The following ENOX1 variants were observed in gnomAD, a reference collection of about 807,000 sequenced individuals.
ENOX1 encodes ecto-NOX disulfide-thiol exchanger 1.
Under a neutral mutation model 82.5 loss-of-function variants are expected in ENOX1, and 42 were observed. That is an observed-to-expected ratio of 0.51 (90% confidence interval 0.40 to 0.66). The LOEUF is 0.66. Ranked by LOEUF, ENOX1 falls within the 30% of genes least tolerant of loss-of-function variation. The probability of loss-of-function intolerance (pLI) is 0.00; values close to 1 mark genes in which losing one functional copy is unlikely to be tolerated. For missense variants in ENOX1, 608 were observed against 811.6 expected (o/e 0.75, Z 3.05); for synonymous variants, 271 against 282.2 (o/e 0.96, Z 0.40).
At chr13:43,218,442 C>T (rs1407312273) in intron 16 of ENOX1, among the ~76,000 whole-genome samples, 1 of 152,134 alleles carries the variant, frequency 6.6e-6, no homozygotes, top group Non-Finnish European at 1.5e-5. Flanking sequence ...GCCTGGGCAA[C>T]ATAGAGAGAC....
chr13:43,457,345 A>G (rs2057281353), intron 3 of ENOX1, among the ~76,000 whole-genome samples: 3 of 152,172 alleles, frequency 2.0e-5, no homozygotes, highest in African/African-American at 7.2e-5. Context: ...TTTTTTAGGG[A>G]TTATCAGGCA....
At chr13:43,757,773 G>A (rs554254502) in intron 1 of ENOX1, among the ~76,000 whole-genome samples, 3 of 152,052 alleles carry the variant, frequency 2.0e-5, no homozygotes, top group South Asian at 4.2e-4. Context: ...CACTAAACAC[G>A]CAATTACCTA....
At chr13:43,538,852 G>T (rs1593704148) in intron 2 of ENOX1, among the ~76,000 whole-genome samples, 1 of 151,954 alleles carries the variant, frequency 6.6e-6, no homozygotes, top group African/African-American at 2.4e-5. Flanking sequence ...TGGAGACGGG[G>T]TCTCACTCTC....
At chr13:43,638,154 C>T (rs925588680) in intron 2 of ENOX1, among the ~76,000 whole-genome samples, 2 of 152,076 alleles carry the variant, frequency 1.3e-5, no homozygotes, top group Non-Finnish European at 2.9e-5. Context: ...TTCTGGATGG[C>T]CAAGAAATAA....
rs528752125 is a variant in ENOX1, at chr13:43,213,847, C to T, written c.*143G>A. On this transcript the variant is annotated 3_prime_UTR_variant, in exon 17 of 17. Transcript: ENST00000690772. ...AATTACATTTCCACTTACAAGAGAA[C>T]GCCACAGATATAACTAAAGGCAGGC... 21 of 780,846 alleles carry T rather than the reference C, an allele frequency of 2.7e-5. No homozygotes were observed. The highest frequency in any genetic ancestry group is 6.0e-4 in the Middle Eastern group (2 of 3,334). The allele number at this position is 780,846 out of a possible 1,614,324, so 48.4% of individuals were successfully genotyped here.
In ENOX1 at chr13:43,448,888, G is replaced by A. The variant is rs182415131; in HGVS notation, c.-75+35121C>T. Among the ~76,000 whole-genome samples the A allele has an allele frequency of 2.8e-3, 430 of 152,334 alleles. 3 individuals are homozygous for A. Among genetic ancestry groups the A allele is most frequent in the African/African-American group, 9.9e-3 (412 of 41,568 alleles). ...TTTAAAACGGGTAACATACCTTGGA[G>A]AGCAATTTCTACACTGGGGTCTGCA... On this transcript the variant is annotated intron_variant, in intron 3 of 16. Coordinates refer to ENST00000690772, the MANE Select transcript of ENOX1 (RefSeq NM_001347969.2).
chr13:43,581,092 A>G (rs1019670872), intron 2 of ENOX1, among the ~76,000 whole-genome samples: 2 of 142,742 alleles, frequency 1.4e-5, no homozygotes, highest in African/African-American at 5.1e-5. Flanking sequence ...ATACTCAGGT[A>G]TCTGACCTAA....
At chr13:43,432,315 C>T (rs1199787708) in intron 3 of ENOX1, among the ~76,000 whole-genome samples, 1 of 152,084 alleles carries the variant, frequency 6.6e-6, no homozygotes, top group Non-Finnish European at 1.5e-5. Context: ...ATATAGTAAT[C>T]GCCAGAAGTT....
chr13:43,406,446 C>A (rs955300398), intron 5 of ENOX1, among the ~76,000 whole-genome samples: 2 of 150,790 alleles, frequency 1.3e-5, no homozygotes, highest in African/African-American at 4.9e-5. Flanking sequence ...AAATTAGTCA[C>A]TGATAAAGGA....
intron 1 of ENOX1, among the ~76,000 whole-genome samples, chr13:43,701,575 G>A (rs1203561064): frequency 6.6e-6 from 1 of 152,038 alleles, no homozygotes; most frequent in African/African-American, 2.4e-5. Context: ...GAAGTGTTCT[G>A]TCATGTTTTT....
intron 3 of ENOX1, among the ~76,000 whole-genome samples, chr13:43,475,528 C>T (rs188881843): frequency 3.7e-4 from 57 of 152,116 alleles, no homozygotes; most frequent in South Asian, 2.1e-4. Context: ...CAGAGCATTG[C>T]TAAGGAAAAT....
At chr13:43,275,601 T>C (rs9567142) in intron 12 of ENOX1, among the ~76,000 whole-genome samples, 79 of 140,854 alleles carry the variant, frequency 5.6e-4, no homozygotes, top group Middle Eastern at 3.6e-3. Flanking sequence ...CACACACACA[T>C]ACACACAATT....
intron 13 of ENOX1, among the ~76,000 whole-genome samples, chr13:43,267,118 CT>C (rs2044422491): frequency 6.6e-6 from 1 of 152,222 alleles, no homozygotes; most frequent in African/African-American, 2.4e-5. Context: ...CCCCTCCCCG[CT>C]GCAGCCCACC....
At chr13:43,599,168 T>C (rs2081597176) in intron 2 of ENOX1, among the ~76,000 whole-genome samples, 1 of 151,918 alleles carries the variant, frequency 6.6e-6, no homozygotes, top group Non-Finnish European at 1.5e-5. Context: ...GAACACAAAA[T>C]TGGACAACTA....
intron 2 of ENOX1, among the ~76,000 whole-genome samples, chr13:43,628,544 T>C (rs911891844): frequency 1.3e-5 from 2 of 152,218 alleles, no homozygotes; most frequent in Non-Finnish European, 2.9e-5. Context: ...AGTTTAAGCA[T>C]TTCTACCATA....
In ENOX1 at chr13:43,289,030, A is replaced by G. The variant is rs2045859042; in HGVS notation, c.1446+9316T>C. Among the ~76,000 whole-genome samples, 4 of 152,186 alleles carry G rather than the reference A, an allele frequency of 2.6e-5. No homozygotes were observed. In the South Asian group the frequency reaches 8.3e-4, roughly 32 times the overall value. ...CTAACCAAGGAGGCGAAAGATCTCT[A>G]CAAGGAGAACTATGAAACACTGCTA... On this transcript the variant is annotated intron_variant, in intron 12 of 16. Transcript: ENST00000690772.
intron 8 of ENOX1, among the ~76,000 whole-genome samples, chr13:43,345,229 G>A (rs2049308117): frequency 6.6e-6 from 1 of 152,176 alleles, no homozygotes; most frequent in Admixed American, 6.5e-5. Flanking sequence ...TTTTTTAAAA[G>A]TGTTTGTAAT....
intron 12 of ENOX1, among the ~76,000 whole-genome samples, chr13:43,276,359 T>G (rs1287865726): frequency 6.6e-6 from 1 of 152,154 alleles, no homozygotes; most frequent in Non-Finnish European, 1.5e-5. Context: ...TATTTTGGCC[T>G]GCAATCTGAA....
intron 11 of ENOX1, among the ~76,000 whole-genome samples, chr13:43,308,712 T>A (rs1182696619): frequency 6.6e-6 from 1 of 152,188 alleles, no homozygotes; most frequent in Non-Finnish European, 1.5e-5. Context: ...GGCATTAACC[T>A]GCGGCCATTG....
Sources: gnomAD v4.1 joint callset for allele counts (sites outside exome capture counted in the v4.1 genomes callset) on GRCh38, gnomAD v4.1.1 for gene constraint, MANE v1.5 for transcripts, NCBI Gene and HGNC (gene_info 2026-07-23, HGNC 2026-07-21) for gene names.